The following ANO3 variants were observed in gnomAD, a reference collection of about 807,000 sequenced individuals.
The protein encoded by ANO3 is anoctamin-3.
A neutral mutation model predicts 144.8 loss-of-function variants in ANO3; 99 were observed. The observed-to-expected ratio is 0.68, with a 90% CI of 0.58 to 0.81. The LOEUF (loss-of-function observed/expected upper bound fraction) is 0.81. Among genes scored for constraint, ANO3 ranks in the 30% least tolerant of loss-of-function variants. The pLI is 0.00. For synonymous variants in ANO3, 414 were observed against 392.6 expected (o/e 1.05, Z -0.64); for missense variants, 905 against 1,202.2 (o/e 0.75, Z 3.66).
intron 3 of ANO3, among the ~76,000 whole-genome samples, chr11:26,457,741 C>G (rs1859223192): frequency 6.6e-6 from 1 of 152,084 alleles, no homozygotes; most frequent in African/African-American, 2.4e-5. Flanking sequence ...CTTTGTTCTT[C>G]AACATATGAA....
intron 17 of ANO3, among the ~76,000 whole-genome samples, chr11:26,624,066 G>A (rs1272934082): frequency 6.6e-6 from 1 of 152,154 alleles, no homozygotes; most frequent in African/African-American, 2.4e-5. Flanking sequence ...GATTACAGGC[G>A]TGAGCCACCG....
chr11:26,207,559 C>T (rs12799187), intron 1 of ANO3, among the ~76,000 whole-genome samples: 45,970 of 151,848 alleles, frequency 0.3, 7,699 homozygotes, highest in Non-Finnish European at 0.37. Flanking sequence ...TACTATTCTG[C>T]ATGCTTTTAT....
At chr11:26,599,127 G>T (rs1455505368) in intron 16 of ANO3, 129 bp downstream of exon 16, 12 of 969,154 alleles carry the variant, frequency 1.2e-5, no homozygotes, top group Non-Finnish European at 1.7e-5. Context: ...TTGGTAACAC[G>T]TACAATTAAA....
At chr11:26,653,577 A>G (rs1853597577) in intron 24 of ANO3, among the ~76,000 whole-genome samples, 2 of 151,998 alleles carry the variant, frequency 1.3e-5, no homozygotes, top group African/African-American at 4.8e-5. Context: ...TCCTCCTTAA[A>G]TTCATACAAA....
At chr11:26,295,154 T>C (rs1475126783) in intron 1 of ANO3, among the ~76,000 whole-genome samples, 1 of 151,944 alleles carries the variant, frequency 6.6e-6, no homozygotes, top group Non-Finnish European at 1.5e-5. Flanking sequence ...GACCTCGTGA[T>C]CCACCCGCCT....
chr11:26,328,181 G>A (rs1590263289), upstream of ANO3, among the ~76,000 whole-genome samples: 1 of 152,090 alleles, frequency 6.6e-6, no homozygotes, highest in African/African-American at 2.4e-5. Flanking sequence ...AATGCTACTC[G>A]GAGCATATAG....
chr11:26,244,121 A>C (rs1353010220), intron 1 of ANO3, among the ~76,000 whole-genome samples: 1 of 143,660 alleles, frequency 7.0e-6, no homozygotes, highest in Non-Finnish European at 1.6e-5. Context: ...TGTCTGAAAA[A>C]AAAAAAAAAA....
chr11:26,541,587 C>G (rs1849645010), intron 10 of ANO3, among the ~76,000 whole-genome samples: 1 of 151,988 alleles, frequency 6.6e-6, no homozygotes, highest in South Asian at 2.1e-4. Flanking sequence ...CAAAATAATG[C>G]CCTGAAATTC....
intron 1 of ANO3, among the ~76,000 whole-genome samples, chr11:26,284,965 T>C (rs1853768683): frequency 6.6e-6 from 1 of 152,242 alleles, no homozygotes; most frequent in African/African-American, 2.4e-5. Flanking sequence ...AGTTTGTGGA[T>C]ATTTGGCATA....
In ANO3 at chr11:26,230,521, G is replaced by A. The variant is rs149357114; in HGVS notation, c.154+41191G>A. On this transcript the variant is annotated intron_variant, in intron 1 of 27. Coordinates refer to the ANO3 transcript ENST00000672621. Reference sequence around the variant, plus strand: ...AATTAAAGATTTATCTTTTGGCCAGGCACGGTAGCTCACGCCTGTAATCCC... The same window carrying A: ...AATTAAAGATTTATCTTTTGGCCAGACACGGTAGCTCACGCCTGTAATCCC... Among the ~76,000 whole-genome samples the A allele has an allele frequency of 1.9e-3, 289 of 151,974 alleles. 1 individual carries two copies. The highest frequency in any genetic ancestry group is 6.7e-3 in the African/African-American group (276 of 41,460).
intron 1 of ANO3, among the ~76,000 whole-genome samples, chr11:26,391,011 G>A (rs1225362668): frequency 6.6e-6 from 1 of 152,060 alleles, no homozygotes; most frequent in Non-Finnish European, 1.5e-5. Context: ...CCACTTAAGA[G>A]CAAGAAATGT....
chr11:26,427,545 T>TA, intron 1 of ANO3: 1 of 152,182 alleles, frequency 6.6e-6, no homozygotes, highest in East Asian at 1.9e-4. Context: ...TCAGTATCCA[T>TA]AAAAATATTC....
At chr11:26,454,551 C>A (rs1054923712) in intron 3 of ANO3, among the ~76,000 whole-genome samples, 9 of 152,056 alleles carry the variant, frequency 5.9e-5, no homozygotes, top group Non-Finnish European at 1.2e-4. Context: ...TCTGAATAGA[C>A]CAATAACAGG....
At chr11:26,349,122 T>G (rs1451045565) in intron 1 of ANO3, among the ~76,000 whole-genome samples, 1 of 152,216 alleles carries the variant, frequency 6.6e-6, no homozygotes, top group Admixed American at 6.5e-5. Flanking sequence ...AAAAATATTA[T>G]TTACTGATTG....
At chr11:26,249,080 TA>T (rs1304987289) in intron 1 of ANO3, among the ~76,000 whole-genome samples, 12 of 152,152 alleles carry the variant, frequency 7.9e-5, no homozygotes, top group Non-Finnish European at 1.5e-4. Context: ...TTTATTATTG[TA>T]ACTATAACAA....
intron 1 of ANO3, among the ~76,000 whole-genome samples, chr11:26,357,507 T>C (rs1855813234): frequency 6.6e-6 from 1 of 152,074 alleles, no homozygotes; most frequent in African/African-American, 2.4e-5. Context: ...CTTCATAATG[T>C]ATCTTTTCAA....
At chr11:26,304,575 A>G (rs996306657) in intron 1 of ANO3, among the ~76,000 whole-genome samples, 2 of 152,124 alleles carry the variant, frequency 1.3e-5, no homozygotes, top group African/African-American at 2.4e-5. Context: ...AATAGGGGAG[A>G]TTGCAAATAA....
intron 3 of ANO3, among the ~76,000 whole-genome samples, chr11:26,451,377 C>T (rs1406151237): frequency 6.6e-6 from 1 of 152,176 alleles, no homozygotes; most frequent in Non-Finnish European, 1.5e-5. Context: ...GGGTCACTCC[C>T]ACCCGAATAC....
chr11:26,615,416 T>A (rs391358), intron 17 of ANO3, among the ~76,000 whole-genome samples: 20,078 of 86,224 alleles, frequency 0.23, 1,598 homozygotes, highest in South Asian at 0.32. Context: ...ATATATATAT[T>A]TTTTTTTTTT....
Sources: gnomAD v4.1 joint callset for allele counts (sites outside exome capture counted in the v4.1 genomes callset) on GRCh38, gnomAD v4.1.1 for gene constraint, MANE v1.5 for transcripts, NCBI Gene and HGNC (gene_info 2026-07-23, HGNC 2026-07-21) for gene names.